LYPLAL1: variants seen among roughly 807,000 people sequenced by gnomAD.
LYPLAL1 encodes lysophospholipase-like protein 1.
A neutral mutation model predicts 19.7 loss-of-function variants in LYPLAL1; 23 were observed. That is an observed-to-expected ratio of 1.17 (90% CI 0.84 to 1.65). The LOEUF is 1.65. Among genes scored for constraint, LYPLAL1 ranks in the 40% most tolerant of loss-of-function variants. LYPLAL1 has a pLI of 0.00. For synonymous variants in LYPLAL1, 119 were observed against 96.3 expected (o/e 1.24, Z -1.38); for missense variants, 355 against 279.4 (o/e 1.27, Z -1.93).
At chr1:219,367,069 T>TTGCAGCA in the LYPLAL1 span, among the ~76,000 whole-genome samples, 1 of 152,116 alleles carries the variant, frequency 6.6e-6, no homozygotes, top group Non-Finnish European at 1.5e-5. Context: ...CCTGCGGTGC[T>TTGCAGCA]TGCAGCAGCA....
At chr1:219,375,638 A>G in the LYPLAL1 span, among the ~76,000 whole-genome samples, 2 of 152,176 alleles carry the variant, frequency 1.3e-5, no homozygotes, top group African/African-American at 4.8e-5. Context: ...ACAGATACAT[A>G]AACATTTATC....
the LYPLAL1 span, among the ~76,000 whole-genome samples, chr1:219,336,333 T>C: frequency 2.6e-3 from 392 of 151,954 alleles, 2 homozygotes; most frequent in African/African-American, 8.1e-3. Flanking sequence ...TGTCATGATA[T>C]ATTGGGGAAA....
the LYPLAL1 span, chr1:219,272,725 G>A: frequency 4.6e-5 from 7 of 151,578 alleles, no homozygotes; most frequent in Non-Finnish European, 1.0e-4. Context: ...GCGGTGAGGC[G>A]AGATGGCACC....
At chr1:219,183,208 G>A (rs1337065532) in intron 2 of LYPLAL1, among the ~76,000 whole-genome samples, 3 of 152,014 alleles carry the variant, frequency 2.0e-5, no homozygotes, top group Admixed American at 6.6e-5. Context: ...ACTGTTTTAT[G>A]TGCTTATTGA....
chr1:219,309,183 C>CT, the LYPLAL1 span, among the ~76,000 whole-genome samples: 3 of 152,144 alleles, frequency 2.0e-5, no homozygotes, highest in Non-Finnish European at 4.4e-5. Context: ...TTCATGAGCC[C>CT]TTTGTTTTGC....
chr1:219,402,831 T>C, the LYPLAL1 span, among the ~76,000 whole-genome samples: 1 of 151,844 alleles, frequency 6.6e-6, no homozygotes, highest in Non-Finnish European at 1.5e-5. Context: ...AGTAAAAAGG[T>C]AGAGAGAAAA....
the LYPLAL1 span, among the ~76,000 whole-genome samples, chr1:219,431,049 A>G: frequency 6.6e-6 from 1 of 152,218 alleles, no homozygotes; most frequent in Non-Finnish European, 1.5e-5. Flanking sequence ...AGATACTTAA[A>G]GACACTAAAC....
chr1:219,193,486 G>A (rs1657367430), intron 3 of LYPLAL1: 2 of 255,844 alleles, frequency 7.8e-6, no homozygotes, highest in Admixed American at 5.1e-5. Context: ...TCTTGTGGCA[G>A]TTAAAATTTT....
At chr1:219,410,982 C>A in the LYPLAL1 span, among the ~76,000 whole-genome samples, 1 of 152,236 alleles carries the variant, frequency 6.6e-6, no homozygotes, top group Non-Finnish European at 1.5e-5. Flanking sequence ...ACGAGCGCCA[C>A]CCCCTGCTCC....
At chr1:219,365,194 T>C in the LYPLAL1 span, among the ~76,000 whole-genome samples, 1 of 152,080 alleles carries the variant, frequency 6.6e-6, no homozygotes, top group Non-Finnish European at 1.5e-5. Flanking sequence ...CACAAGGAGG[T>C]GATTCTAGAA....
At chr1:219,223,405 A>C in the LYPLAL1 span, among the ~76,000 whole-genome samples, 1 of 152,146 alleles carries the variant, frequency 6.6e-6, no homozygotes, top group East Asian at 1.9e-4. Context: ...CAAAACCTTT[A>C]TTCTTTGTTT....
chr1:219,374,136 A>G, the LYPLAL1 span, among the ~76,000 whole-genome samples: 7,769 of 136,344 alleles, frequency 0.057, 216 homozygotes, highest in South Asian at 0.084. Context: ...TTTTGTGTGG[A>G]TTTTTTTTTT....
the LYPLAL1 span, chr1:219,271,574 A>G: frequency 6.6e-6 from 1 of 152,192 alleles, no homozygotes; most frequent in African/African-American, 2.4e-5. Context: ...TTGATTAGCT[A>G]ATGTTCATCT....
At chr1:219,272,007 C>T in the LYPLAL1 span, 2 of 152,174 alleles carry the variant, frequency 1.3e-5, no homozygotes, top group South Asian at 2.1e-4. Context: ...AAAAGTCTGC[C>T]GCTCTCCTAG....
downstream of LYPLAL1, among the ~76,000 whole-genome samples, chr1:219,216,101 T>A (rs1474653998): frequency 6.6e-6 from 1 of 152,134 alleles, no homozygotes; most frequent in Non-Finnish European, 1.5e-5. Flanking sequence ...ATTTTTCATA[T>A]CAGATACTGT....
the LYPLAL1 span, among the ~76,000 whole-genome samples, chr1:219,398,391 T>G: frequency 1.3e-5 from 2 of 152,228 alleles, no homozygotes; most frequent in Non-Finnish European, 2.9e-5. Context: ...CCATGAGTTT[T>G]TTAGCACTAC....
the LYPLAL1 span, among the ~76,000 whole-genome samples, chr1:219,282,538 TG>T: frequency 1.4e-5 from 2 of 147,654 alleles, no homozygotes; most frequent in Non-Finnish European, 3.0e-5. Flanking sequence ...AGGTAGGTTA[TG>T]GTAAAATATA....
At chr1:219,298,529 T>C in the LYPLAL1 span, among the ~76,000 whole-genome samples, 19 of 152,270 alleles carry the variant, frequency 1.2e-4, no homozygotes, top group African/African-American at 4.1e-4. Flanking sequence ...ACTGAACCTC[T>C]CTCTCCCCCA....
At chr1:219,377,718 T>G in the LYPLAL1 span, among the ~76,000 whole-genome samples, 6 of 152,260 alleles carry the variant, frequency 3.9e-5, no homozygotes, top group African/African-American at 1.4e-4. Context: ...ATTTAAGTAA[T>G]AATTTTTCTT....
Sources: allele counts gnomAD v4.1 joint callset (sites outside exome capture counted in the v4.1 genomes callset), GRCh38; gene constraint gnomAD v4.1.1; transcripts MANE v1.5; gene names NCBI Gene and HGNC (gene_info 2026-07-23, HGNC 2026-07-21).